DAB1: variants seen among roughly 807,000 people sequenced by gnomAD.
DAB1 encodes disabled homolog 1.
In DAB1, 15 loss-of-function variants were observed where a neutral mutation model predicts 64.6. That is an observed-to-expected ratio of 0.23 (90% CI 0.16 to 0.36). The LOEUF (loss-of-function observed/expected upper bound fraction) is 0.36, where lower values mean the gene tolerates loss of function less well. Ranked by LOEUF, DAB1 falls within the 10% of genes least tolerant of loss-of-function variation. The pLI, the probability that DAB1 is intolerant of heterozygous loss-of-function variation, is 1.00. For missense variants in DAB1, 596 were observed against 706.7 expected (o/e 0.84, Z 1.78); for synonymous variants, 235 against 251.9 (o/e 0.93, Z 0.64).
At chr1:57,928,853 C>T (rs745693939) in intron 5 of DAB1, among the ~76,000 whole-genome samples, 1 of 152,290 alleles carries the variant, frequency 6.6e-6, no homozygotes, top group Non-Finnish European at 1.5e-5. Flanking sequence ...CATTCACCAA[C>T]TGAAGGACAT....
chr1:57,795,589 A>G (rs1650807577), intron 6 of DAB1, among the ~76,000 whole-genome samples: 1 of 150,906 alleles, frequency 6.6e-6, no homozygotes, highest in East Asian at 2.0e-4. Flanking sequence ...AGAGTCCTAT[A>G]CAAACATTTC....
At chr1:58,132,490 G>A (rs191157414) in intron 5 of DAB1, among the ~76,000 whole-genome samples, 3 of 152,222 alleles carry the variant, frequency 2.0e-5, no homozygotes, top group Non-Finnish European at 4.4e-5. Flanking sequence ...TCCCCCCGGG[G>A]CCAATCTTTT....
chr1:58,357,331 A>G (rs1644121399), intron 3 of DAB1, among the ~76,000 whole-genome samples: 1 of 152,152 alleles, frequency 6.6e-6, no homozygotes, highest in South Asian at 2.1e-4. Flanking sequence ...GGGGGTGAGG[A>G]AAAGAGAAAA....
At chr1:57,669,035 A>G (rs768536267) in intron 6 of DAB1, among the ~76,000 whole-genome samples, 20 of 152,128 alleles carry the variant, frequency 1.3e-4, no homozygotes, top group Non-Finnish European at 2.8e-4. Flanking sequence ...TGCTTCTGTT[A>G]ATTACCTAGG....
intron 6 of DAB1, among the ~76,000 whole-genome samples, chr1:57,789,090 G>C (rs937810899): frequency 2.0e-5 from 3 of 152,120 alleles, no homozygotes; most frequent in African/African-American, 7.2e-5. Context: ...GAAGGATTGA[G>C]AGCTTAGTGC....
chr1:58,316,735 C>T (rs1331431382), intron 4 of DAB1, among the ~76,000 whole-genome samples: 1 of 152,158 alleles, frequency 6.6e-6, no homozygotes, highest in East Asian at 1.9e-4. Context: ...CTTGTTACCC[C>T]TGCTCATTTG....
chr1:57,309,899 G>A (rs1674524131), intron 1 of DAB1, among the ~76,000 whole-genome samples: 2 of 152,122 alleles, frequency 1.3e-5, no homozygotes. Flanking sequence ...GAAGGAGTTG[G>A]GCAAGGAGCA....
Position 57,643,112 on chromosome 1 carries a change from C to T in DAB1, n.625+6480G>A, listed in dbSNP as rs180771254. ...GCTTGGTCATCAATGCGGATTTCAGCTGTCACCTTTTATCCTCCACATCTC... is the reference window on the plus strand; with the variant it reads ...GCTTGGTCATCAATGCGGATTTCAGTTGTCACCTTTTATCCTCCACATCTC... On this transcript the variant is annotated intron_variant and non_coding_transcript_variant, in intron 7 of 20. Transcript: ENST00000485760. Among the ~76,000 whole-genome samples the T allele has an allele frequency of 2.5e-3, 387 of 152,292 alleles. 2 individuals are homozygous for T. The highest frequency in any genetic ancestry group is 9.0e-3 in the African/African-American group (375 of 41,568).
At chr1:57,653,903 G>T (rs1646285544) in intron 6 of DAB1, among the ~76,000 whole-genome samples, 1 of 152,186 alleles carries the variant, frequency 6.6e-6, no homozygotes, top group African/African-American at 2.4e-5. Context: ...GAGCCACTGT[G>T]CCCGGCCTAT....
chr1:57,874,433 G>T (rs1644008635), intron 1 of DAB1: 1 of 152,242 alleles, frequency 6.6e-6, no homozygotes, highest in Non-Finnish European at 1.5e-5. Flanking sequence ...CATCATCCCT[G>T]ATGTGATGTG....
chr1:57,237,968 A>G (rs1668215121), intron 2 of DAB1, among the ~76,000 whole-genome samples: 1 of 152,150 alleles, frequency 6.6e-6, no homozygotes, highest in Admixed American at 6.5e-5. Flanking sequence ...GGTAGGGGCA[A>G]GAAGATGGGG....
intron 5 of DAB1, among the ~76,000 whole-genome samples, chr1:57,953,447 T>C (rs1028639609): frequency 1.3e-5 from 2 of 152,178 alleles, no homozygotes; most frequent in African/African-American, 2.4e-5. Flanking sequence ...TATAGGCAAG[T>C]TTATAAATTC....
chr1:57,978,289 A>C (rs928935436), intron 5 of DAB1, among the ~76,000 whole-genome samples: 4 of 152,210 alleles, frequency 2.6e-5, no homozygotes, highest in Non-Finnish European at 5.9e-5. Flanking sequence ...GATCTTTGAC[A>C]AACCTGAAAC....
chr1:58,502,806 A>G (rs959250764), intron 3 of DAB1, among the ~76,000 whole-genome samples: 5 of 152,224 alleles, frequency 3.3e-5, no homozygotes, highest in African/African-American at 9.6e-5. Context: ...GTTATTCCCA[A>G]TATTGCAATA....
chr1:58,392,675 G>T (rs183469615), intron 3 of DAB1, among the ~76,000 whole-genome samples: 1 of 152,176 alleles, frequency 6.6e-6, no homozygotes, highest in African/African-American at 2.4e-5. Flanking sequence ...CGAAATGTGG[G>T]GGAAACATGA....
At chr1:57,023,729 G>A in intron 10 of DAB1, 90 bp from the exon 11 acceptor site, 2 of 808,722 alleles carry the variant, frequency 2.5e-6, no homozygotes, top group Non-Finnish European at 4.2e-6. Context: ...TTAAGGCGCA[G>A]GGGAAGGGGT....
intron 2 of DAB1, among the ~76,000 whole-genome samples, chr1:57,221,953 T>C (rs1268782191): frequency 1.3e-5 from 2 of 152,136 alleles, no homozygotes; most frequent in African/African-American, 4.8e-5. Context: ...TTTTTATTTT[T>C]ATTTGCCCAA....
intron 5 of DAB1, among the ~76,000 whole-genome samples, chr1:57,897,514 G>GT (rs1488294142): frequency 6.6e-6 from 1 of 152,116 alleles, no homozygotes; most frequent in Non-Finnish European, 1.5e-5. Context: ...AATTCCTTTG[G>GT]TTGGAGGCAG....
intron 1 of DAB1, among the ~76,000 whole-genome samples, chr1:57,318,778 G>C (rs1675439362): frequency 6.7e-6 from 1 of 150,374 alleles, no homozygotes; most frequent in African/African-American, 2.4e-5. Context: ...CTCAGCCTCT[G>C]GATTGAGGAT....
Sources: gnomAD v4.1 joint callset for allele counts (sites outside exome capture counted in the v4.1 genomes callset) on GRCh38, gnomAD v4.1.1 for gene constraint, MANE v1.5 for transcripts, NCBI Gene and HGNC (gene_info 2026-07-23, HGNC 2026-07-21) for gene names.